CCDC122: variants seen among roughly 807,000 people sequenced by gnomAD.
CCDC122 encodes the protein coiled-coil domain containing 122, also known as coiled-coil domain-containing protein 122.
CCDC122 carries 38 observed loss-of-function variants against 37.0 expected under a neutral mutation model. The ratio of observed to expected loss-of-function variants is 1.03; its 90% CI spans 0.79 to 1.35. The LOEUF is 1.35. CCDC122 is among the 40% of genes most tolerant of loss of function. CCDC122 has a pLI of 0.00. For synonymous variants in CCDC122, 83 were observed against 95.6 expected (o/e 0.87, Z 0.77); for missense variants, 305 against 310.0 (o/e 0.98, Z 0.12).
chr13:43,829,316 A>AT (rs1240182001), intron 3 of CCDC122, among the ~76,000 whole-genome samples: 1 of 151,764 alleles, frequency 6.6e-6, no homozygotes, highest in Non-Finnish European at 1.5e-5. Flanking sequence ...TTTTATTTTT[A>AT]TTTTTTTGAG....
downstream of CCDC122, among the ~76,000 whole-genome samples, chr13:43,832,871 A>G (rs549568580): frequency 6.6e-6 from 1 of 152,308 alleles, no homozygotes; most frequent in South Asian, 2.1e-4. Flanking sequence ...CATGCTTTAG[A>G]CTATTATTTT....
In CCDC122 at chr13:43,858,911, A is replaced by T. The variant is rs1370818580; in HGVS notation, c.556-14T>A. 1 of 1,373,822 alleles carries T rather than the reference A, an allele frequency of 7.3e-7. No individual in the cohort carries two copies. Among genetic ancestry groups the T allele is most frequent in the Non-Finnish European group, 9.7e-7 (1 of 1,026,542 alleles). 85.1% of individuals were successfully genotyped at this position (1,373,822 alleles called of 1,614,324 possible). On this transcript the variant is annotated splice_polypyrimidine_tract_variant and intron_variant, in intron 5 of 6. Transcript: ENST00000444614. ...TGTAATGTCTTCCTGTATGTTGACA[A>T]CATTTGAAATATAGAAGTCAAAAAA...
Position 43,830,518 on chromosome 13 carries a change from C to T in CCDC122, n.602-6507G>A, listed in dbSNP as rs1400385680. Among the ~76,000 whole-genome samples, 7 of 152,086 alleles carry T rather than the reference C, an allele frequency of 4.6e-5. No individual in the cohort carries two copies. In the East Asian group the frequency reaches 1.4e-3, roughly 29 times the overall value. The stretch of plus-strand genomic sequence containing the variant: ...GCAAGGCTGCAATATCAAGGAAAGT[C>T]CCTTTAAGGGTAGCAAACATCCCGG... On this transcript the variant is annotated intron_variant and non_coding_transcript_variant, in intron 3 of 3. Coordinates refer to the CCDC122 transcript ENST00000470137.
intron 2 of CCDC122, among the ~76,000 whole-genome samples, chr13:43,873,672 T>G: frequency 6.6e-6 from 1 of 152,198 alleles, no homozygotes; most frequent in Admixed American, 6.5e-5. Context: ...ACAAGCTGCA[T>G]GCAGTTCTTT....
At chr13:43,830,151 C>T (rs1268319372) in intron 3 of CCDC122, among the ~76,000 whole-genome samples, 1 of 152,170 alleles carries the variant, frequency 6.6e-6, no homozygotes, top group Non-Finnish European at 1.5e-5. Context: ...GCTGGGATTA[C>T]AGGAGTGAGC....
At chr13:43,827,994 T>A (rs2153868083) in intron 3 of CCDC122, among the ~76,000 whole-genome samples, 1 of 152,306 alleles carries the variant, frequency 6.6e-6, no homozygotes, top group South Asian at 2.1e-4. Context: ...GAATTGCAGA[T>A]TTTATCTGTT....
At chr13:43,828,179 G>A (rs1953057485) in intron 3 of CCDC122, among the ~76,000 whole-genome samples, 1 of 152,134 alleles carries the variant, frequency 6.6e-6, no homozygotes, top group South Asian at 2.1e-4. Flanking sequence ...TCAAGCAATG[G>A]TACTGACAGT....
intron 2 of CCDC122, among the ~76,000 whole-genome samples, chr13:43,871,642 G>C (rs1954456538): frequency 6.6e-6 from 1 of 151,966 alleles, no homozygotes; most frequent in Non-Finnish European, 1.5e-5. Context: ...TCAAATTCAT[G>C]GGCCATCTTC....
intron 4 of CCDC122, among the ~76,000 whole-genome samples, chr13:43,863,702 TGC>T (rs1212009306): frequency 2.5e-4 from 36 of 144,822 alleles, no homozygotes; most frequent in African/African-American, 7.9e-4. Flanking sequence ...TGTGTGTGTG[TGC>T]CTGTGTGTGT....
chr13:43,837,384 G>C lies in CCDC122; in HGVS notation c.718C>G (p.Gln240Glu). The change falls in exon 7 of 7, where the codon CAG (glutamine) becomes GAG (glutamate). Residue 240 changes from glutamine (Q) to glutamate (E), a missense_variant. Physicochemically the swap from Gln to Glu is conservative, Grantham distance 29. Transcript: ENST00000444614. ...YDAILKRLHCQVNKLQSNRRQ... is the reference protein window; with the variant it reads ...YDAILKRLHCEVNKLQSNRRQ... ...CTATTTGACTGAAGCTTGTTCACCT[G>C]ACAATGCAAACGCTTAAGAATTGCA... The C allele has an allele frequency of 6.2e-7, 1 of 1,613,978 alleles. No individual in the cohort carries two copies. The highest frequency in any genetic ancestry group is 8.5e-7 in the Non-Finnish European group (1 of 1,179,954).
At chr13:43,854,553 A>C (rs1321356542) in intron 6 of CCDC122, 1 of 152,208 alleles carries the variant, frequency 6.6e-6, no homozygotes, top group Non-Finnish European at 1.5e-5. Flanking sequence ...ATATACAAAG[A>C]AGAGCTGGTA....
downstream of CCDC122, among the ~76,000 whole-genome samples, chr13:43,835,910 G>C (rs1000563866): frequency 6.6e-6 from 1 of 152,118 alleles, no homozygotes; most frequent in Non-Finnish European, 1.5e-5. Flanking sequence ...CTGAGTCATG[G>C]ACCAAAGCTG....
chr13:43,871,574 T>C (rs1225264749), intron 2 of CCDC122, among the ~76,000 whole-genome samples: 1 of 152,132 alleles, frequency 6.6e-6, no homozygotes, highest in Admixed American at 6.6e-5. Flanking sequence ...GTAAGTCCTT[T>C]AGTGTGATGC....
intron 2 of CCDC122, among the ~76,000 whole-genome samples, chr13:43,873,991 C>T (rs1037146010): frequency 2.0e-5 from 3 of 152,200 alleles, no homozygotes; most frequent in Non-Finnish European, 2.9e-5. Context: ...AAGCACTATT[C>T]TGATCACGTC....
At chr13:43,858,080 T>C (rs969473384) in intron 6 of CCDC122, 2 of 152,202 alleles carry the variant, frequency 1.3e-5, no homozygotes, top group African/African-American at 4.8e-5. Flanking sequence ...ATAGCGAATA[T>C]GTAAAGATGA....
intron 6 of CCDC122, among the ~76,000 whole-genome samples, chr13:43,849,957 G>C (rs1953669759): frequency 6.6e-6 from 1 of 152,134 alleles, no homozygotes; most frequent in African/African-American, 2.4e-5. Flanking sequence ...CGCCCATCAA[G>C]GTGTAATATT....
intron 6 of CCDC122, among the ~76,000 whole-genome samples, chr13:43,847,595 AT>A (rs1953585844): frequency 6.6e-6 from 1 of 152,236 alleles, no homozygotes; most frequent in Non-Finnish European, 1.5e-5. Context: ...AGGATAGCCT[AT>A]AAAAAGTGCC....
chr13:43,870,469 C>T (rs1306628005), intron 2 of CCDC122, among the ~76,000 whole-genome samples: 1 of 152,072 alleles, frequency 6.6e-6, no homozygotes, highest in Non-Finnish European at 1.5e-5. Context: ...AATATATCTA[C>T]CTTGAAAAAT....
chr13:43,822,264 C>G (rs1320562049), downstream of CCDC122, among the ~76,000 whole-genome samples: 3 of 152,220 alleles, frequency 2.0e-5, no homozygotes, highest in African/African-American at 7.2e-5. Flanking sequence ...GATTACCAAG[C>G]AGAGACTCGT....
Sources: allele counts gnomAD v4.1 joint callset (sites outside exome capture counted in the v4.1 genomes callset), GRCh38; gene constraint gnomAD v4.1.1; transcripts MANE v1.5; gene names NCBI Gene and HGNC (gene_info 2026-07-23, HGNC 2026-07-21).